Variants in AGBL1 observed in about 807,000 individuals in gnomAD.
AGBL1 encodes cytosolic carboxypeptidase 4.
In AGBL1, 130 loss-of-function variants were observed where a neutral mutation model predicts 118.9. The ratio of observed to expected loss-of-function variants is 1.09; its 90% CI spans 0.95 to 1.26. The LOEUF (loss-of-function observed/expected upper bound fraction) is 1.26, where lower values mean the gene tolerates loss of function less well. Ranked by LOEUF, AGBL1 falls within the 50% of genes most tolerant of loss-of-function variation. The pLI, the probability that AGBL1 is intolerant of heterozygous loss-of-function variation, is 0.00. For synonymous variants in AGBL1, 555 were observed against 478.9 expected, an observed-to-expected ratio of 1.16 and a Z score of -2.08; for missense variants, 1,584 against 1,298.1, an observed-to-expected ratio of 1.22 and a Z score of -3.38.
intron 21 of AGBL1, among the ~76,000 whole-genome samples, chr15:86,609,770 G>A (rs1002563084): frequency 1.3e-5 from 2 of 152,218 alleles, no homozygotes; most frequent in East Asian, 3.9e-4. Context: ...ATTTGTAAAC[G>A]ACATACTCTT....
intron 6 of AGBL1, among the ~76,000 whole-genome samples, chr15:86,237,774 G>A (rs1230193351): frequency 6.6e-6 from 1 of 152,154 alleles, no homozygotes; most frequent in African/African-American, 2.4e-5. Flanking sequence ...AAAGGCGAGT[G>A]AGAAATTCTC....
chr15:86,802,091 C>A (rs550841012), intron 22 of AGBL1, among the ~76,000 whole-genome samples: 1 of 152,082 alleles, frequency 6.6e-6, no homozygotes, highest in Non-Finnish European at 1.5e-5. Context: ...TTGCCGAGTT[C>A]TTTTTGTGGC....
In AGBL1 at chr15:86,265,746, G is replaced by T. The variant is rs1434795312; in HGVS notation, c.1668-628G>T. Among the ~76,000 whole-genome samples the T allele has an allele frequency of 2.6e-5, 4 of 152,140 alleles. No individual in the cohort carries two copies. In the East Asian group the frequency reaches 7.7e-4, roughly 29 times the overall value. On this transcript the variant is annotated intron_variant, in intron 11 of 22. Transcript: ENST00000614907. Reference sequence around the variant, plus strand: ...CCTGCATAGGACATCTTCCCTCTGAGTCCAGGCCTCATGTCCACCTTTTCT... The same window carrying T: ...CCTGCATAGGACATCTTCCCTCTGATTCCAGGCCTCATGTCCACCTTTTCT...
intron 21 of AGBL1, among the ~76,000 whole-genome samples, chr15:86,577,979 C>G (rs1184154972): frequency 3.3e-5 from 5 of 152,180 alleles, no homozygotes; most frequent in Non-Finnish European, 7.3e-5. Context: ...GGTTGGAACC[C>G]CCACACAGAG....
intron 17 of AGBL1, among the ~76,000 whole-genome samples, chr15:86,348,114 T>C (rs1405964018): frequency 1.3e-5 from 2 of 152,214 alleles, no homozygotes; most frequent in African/African-American, 2.4e-5. Context: ...CTTTCCATGC[T>C]GGCTTTCCTC....
intron 22 of AGBL1, among the ~76,000 whole-genome samples, chr15:86,870,884 T>C (rs962958528): frequency 8.5e-5 from 13 of 152,176 alleles, no homozygotes; most frequent in Admixed American, 2.0e-4. Flanking sequence ...AGAAACAACA[T>C]TGGAATTTTC....
intron 18 of AGBL1, among the ~76,000 whole-genome samples, chr15:86,436,014 T>C (rs2081996174): frequency 6.6e-6 from 1 of 152,216 alleles, no homozygotes; most frequent in African/African-American, 2.4e-5. Context: ...TTAAATTCAG[T>C]TTTCTTTCCC....
intron 23 of AGBL1, among the ~76,000 whole-genome samples, chr15:86,978,048 G>A (rs1472238926): frequency 2.0e-5 from 3 of 152,030 alleles, no homozygotes; most frequent in Admixed American, 6.6e-5. Context: ...TTAGATAAAA[G>A]CAGTATTATT....
intron 7 of AGBL1, among the ~76,000 whole-genome samples, chr15:86,255,167 T>C (rs2078874789): frequency 6.6e-6 from 1 of 152,166 alleles, no homozygotes; most frequent in African/African-American, 2.4e-5. Flanking sequence ...TCTACCAAGG[T>C]TGGAGCTTAG....
intron 22 of AGBL1, among the ~76,000 whole-genome samples, chr15:86,860,467 C>A (rs1317915156): frequency 6.6e-6 from 1 of 151,296 alleles, no homozygotes; most frequent in Non-Finnish European, 1.5e-5. Context: ...TATACAATTT[C>A]TTCCTCTTTC....
At chr15:86,874,409 C>CACA (rs2079775627) in intron 22 of AGBL1, among the ~76,000 whole-genome samples, 2 of 150,984 alleles carry the variant, frequency 1.3e-5, no homozygotes, top group East Asian at 1.9e-4. Context: ...CACACACACA[C>CACA]CCTGGGGCCA....
chr15:86,314,056 G>A (rs1482351767), intron 17 of AGBL1, among the ~76,000 whole-genome samples: 2 of 152,180 alleles, frequency 1.3e-5, no homozygotes. Flanking sequence ...TCTGCTTATT[G>A]AGGCTATCTG....
Position 86,109,591 on chromosome 15 carries a change from A to C in AGBL1, c.51+29568A>C, listed in dbSNP as rs1897245120. On this transcript the variant is annotated intron_variant, in intron 1 of 22. Transcript: ENST00000614907. The stretch of plus-strand genomic sequence containing the variant: ...TTTTTACTACTGACAATTAAAGAAA[A>C]ATTTCTTTCAGCTCCACAATTTGTT... 1.3e-5 allele frequency among the ~76,000 whole-genome samples: 2 copies of C among 152,208 alleles called. 1 individual carries two copies. The highest frequency in any genetic ancestry group is 4.1e-4 in the South Asian group (2 of 4,830).
rs571303938 is a variant in AGBL1 at position 87,010,268 on chromosome 15, C to A, written c.3324-18557C>A. On this transcript the variant is annotated intron_variant, in intron 24 of 24. Transcript: ENST00000441037. ...GATGGTTTTATAAGGAGTTTCCCTG[C>A]ACAAACTCTCTTCACCTGCCGCCCT... 1.1e-3 allele frequency among the ~76,000 whole-genome samples: 161 copies of A among 152,264 alleles called. 1 individual carries two copies. The highest frequency in any genetic ancestry group is 3.1e-3 in the African/African-American group (130 of 41,544).
intron 17 of AGBL1, among the ~76,000 whole-genome samples, chr15:86,348,500 C>A (rs916788956): frequency 6.6e-6 from 1 of 152,154 alleles, no homozygotes; most frequent in East Asian, 1.9e-4. Context: ...GGGAGGAGGG[C>A]CAGGCGCCGT....
intron 22 of AGBL1, among the ~76,000 whole-genome samples, chr15:86,905,713 C>G (rs1298477311): frequency 1.3e-5 from 2 of 152,152 alleles, no homozygotes; most frequent in African/African-American, 2.4e-5. Context: ...TATTTAAATA[C>G]AGGCTTTTGA....
intron 21 of AGBL1, among the ~76,000 whole-genome samples, chr15:86,578,787 G>A (rs965523483): frequency 9.2e-5 from 14 of 152,096 alleles, no homozygotes; most frequent in African/African-American, 2.9e-4. Flanking sequence ...CGTGACTTGC[G>A]GCTCCTTGCC....
intron 18 of AGBL1, among the ~76,000 whole-genome samples, chr15:86,479,388 AG>A (rs1314415036): frequency 2.0e-5 from 3 of 152,210 alleles, no homozygotes; most frequent in African/African-American, 7.2e-5. Flanking sequence ...ATTTAGAAGA[AG>A]AAAAACAACG....
chr15:86,998,681 G>A (rs1052262046), intron 24 of AGBL1, among the ~76,000 whole-genome samples: 2 of 152,172 alleles, frequency 1.3e-5, no homozygotes, highest in Admixed American at 6.5e-5. Flanking sequence ...GGAATGGGCA[G>A]CTGATATACA....
Sources: gnomAD v4.1 joint callset for allele counts (sites outside exome capture counted in the v4.1 genomes callset) on GRCh38, gnomAD v4.1.1 for gene constraint, MANE v1.5 for transcripts, NCBI Gene and HGNC (gene_info 2026-07-23, HGNC 2026-07-21) for gene names.